The following EEFSEC variants were observed in gnomAD, a reference collection of about 807,000 sequenced individuals.
The protein encoded by EEFSEC is selenocysteine-specific elongation factor.
In EEFSEC, 43 loss-of-function variants were observed where a neutral mutation model predicts 42.1. That is an observed-to-expected ratio of 1.02 (90% CI 0.80 to 1.32). EEFSEC has a LOEUF of 1.32. Among genes scored for constraint, EEFSEC ranks in the 40% most tolerant of loss-of-function variants. The probability of loss-of-function intolerance (pLI) is 0.00; values close to 1 mark genes in which losing one functional copy is unlikely to be tolerated. For missense variants in EEFSEC, 745 were observed against 803.6 expected (o/e 0.93, Z 0.88); for synonymous variants, 354 against 339.1 (o/e 1.04, Z -0.48).
At chr3:128,242,621 C>T (rs556583603) in intron 1 of EEFSEC, among the ~76,000 whole-genome samples, 1 of 152,206 alleles carries the variant, frequency 6.6e-6, no homozygotes, top group African/African-American at 2.4e-5. Context: ...GAAAATTACA[C>T]CTCACAGATA....
chr3:128,309,810 T>C (rs2066871461), intron 4 of EEFSEC, among the ~76,000 whole-genome samples: 1 of 152,216 alleles, frequency 6.6e-6, no homozygotes, highest in Admixed American at 6.5e-5. Context: ...AGGAAGGGCC[T>C]GGACACACCG....
intron 1 of EEFSEC, among the ~76,000 whole-genome samples, chr3:128,190,064 T>C (rs983992370): frequency 6.6e-6 from 1 of 152,202 alleles, no homozygotes; most frequent in African/African-American, 2.4e-5. Flanking sequence ...GGTTTCACCA[T>C]GTCCCCCAGG....
chr3:128,412,438 C>A (rs766152717), downstream of EEFSEC, among the ~76,000 whole-genome samples: 3 of 152,238 alleles, frequency 2.0e-5, no homozygotes, highest in African/African-American at 4.8e-5. Context: ...CTAGTTCAGC[C>A]TTGTCTGTCC....
At chr3:128,255,508 G>C (rs2066232888) in intron 2 of EEFSEC, among the ~76,000 whole-genome samples, 1 of 152,170 alleles carries the variant, frequency 6.6e-6, no homozygotes, top group Admixed American at 6.5e-5. Flanking sequence ...ACCCTGGTCT[G>C]GTGCCCCAGC....
chr3:128,421,581 G>A, the EEFSEC span, among the ~76,000 whole-genome samples: 1 of 152,250 alleles, frequency 6.6e-6, no homozygotes, highest in Non-Finnish European at 1.5e-5. Context: ...AACACCTGGA[G>A]CTGCCCATTC....
At chr3:128,233,397 C>A (rs1047978619) in intron 1 of EEFSEC, among the ~76,000 whole-genome samples, 2 of 152,168 alleles carry the variant, frequency 1.3e-5, no homozygotes, top group Non-Finnish European at 2.9e-5. Flanking sequence ...ATGGGTCTGG[C>A]AGAAATCATG....
intron 6 of EEFSEC, among the ~76,000 whole-genome samples, chr3:128,387,164 G>T (rs528344943): frequency 6.6e-6 from 1 of 152,202 alleles, no homozygotes; most frequent in South Asian, 2.1e-4. Flanking sequence ...GCACCTGGCC[G>T]CAGGGGCTGC....
rs1200719172 is a variant in EEFSEC, at chr3:128,291,390, T to C, written c.786+26609T>C. The stretch of plus-strand genomic sequence containing the variant: ...GTCTTGAGGGCTCCACCCTCATGAA[T>C]AGACTAATACTGTTATCCCTTTCTT... On this transcript the variant is annotated intron_variant, in intron 4 of 6. Coordinates refer to ENST00000254730, the MANE Select transcript of EEFSEC (RefSeq NM_021937.5). Among the ~76,000 whole-genome samples the C allele has an allele frequency of 2.0e-5, 3 of 152,214 alleles. No individual in the cohort carries two copies. In the East Asian group the frequency reaches 5.8e-4, roughly 29 times the overall value.
At chr3:128,315,196 GATA>G (rs2066931504) in intron 4 of EEFSEC, among the ~76,000 whole-genome samples, 1 of 152,190 alleles carries the variant, frequency 6.6e-6, no homozygotes, top group African/African-American at 2.4e-5. Flanking sequence ...TAAAGTGGGG[GATA>G]ATAAGAGTAC....
chr3:128,292,092 AG>A (rs1344940957), intron 4 of EEFSEC, among the ~76,000 whole-genome samples: 2 of 152,132 alleles, frequency 1.3e-5, no homozygotes, highest in African/African-American at 4.8e-5. Context: ...ATTGCTAAGT[AG>A]GTTACATATA....
chr3:128,264,863 G>C, intron 4 of EEFSEC, 82 bp downstream of exon 4: 2 of 1,479,040 alleles, frequency 1.4e-6, no homozygotes, highest in Non-Finnish European at 1.8e-6. Context: ...TTCAGCTGCT[G>C]AGCCTGCTGC....
At chr3:128,409,473 G>A (rs752965606), downstream of EEFSEC, among the ~76,000 whole-genome samples, 4 of 152,156 alleles carry the variant, frequency 2.6e-5, no homozygotes, top group Admixed American at 6.5e-5. Context: ...GGATACCAGC[G>A]ATGGCGACTG....
intron 6 of EEFSEC, among the ~76,000 whole-genome samples, chr3:128,401,677 G>C (rs2068049475): frequency 6.6e-6 from 1 of 152,216 alleles, no homozygotes; most frequent in Admixed American, 6.5e-5. Flanking sequence ...AGACGCTTCT[G>C]TTGGTGGAGC....
At chr3:128,188,605 T>C (rs1292434244) in intron 1 of EEFSEC, among the ~76,000 whole-genome samples, 1 of 152,230 alleles carries the variant, frequency 6.6e-6, no homozygotes, top group East Asian at 1.9e-4. Flanking sequence ...ATAGCTAATG[T>C]GTTCCACTCC....
intron 4 of EEFSEC, among the ~76,000 whole-genome samples, chr3:128,306,679 G>A (rs1406369791): frequency 6.6e-6 from 1 of 152,206 alleles, no homozygotes; most frequent in Admixed American, 6.5e-5. Flanking sequence ...GTAGTTGAAA[G>A]TACCTATTGG....
At chr3:128,267,569 G>A (rs1002905700) in intron 4 of EEFSEC, among the ~76,000 whole-genome samples, 10 of 152,156 alleles carry the variant, frequency 6.6e-5, no homozygotes, top group African/African-American at 2.4e-5. Flanking sequence ...TAAAACATGA[G>A]GGAAAAGGAA....
At chr3:128,295,451 C>CTGTTT (rs2066693193) in intron 4 of EEFSEC, among the ~76,000 whole-genome samples, 1 of 63,986 alleles carries the variant, frequency 1.6e-5, no homozygotes, top group Non-Finnish European at 2.8e-5. Flanking sequence ...CTTCCCCCTA[C>CTGTTT]TTTTTTTTTT....
intron 4 of EEFSEC, 126 bp downstream of exon 4, chr3:128,264,907 GC>G: frequency 8.5e-7 from 1 of 1,180,136 alleles, no homozygotes; most frequent in Non-Finnish European, 1.2e-6. Flanking sequence ...TGCCTGCTCC[GC>G]CCCACCTCCC....
At chr3:128,172,694 A>G (rs2065311335) in intron 1 of EEFSEC, among the ~76,000 whole-genome samples, 2 of 152,358 alleles carry the variant, frequency 1.3e-5, no homozygotes, top group South Asian at 4.1e-4. Flanking sequence ...ATGGAGACAC[A>G]GACACTGATT....
Sources: allele counts gnomAD v4.1 joint callset (sites outside exome capture counted in the v4.1 genomes callset), GRCh38; gene constraint gnomAD v4.1.1; transcripts MANE v1.5; gene names NCBI Gene and HGNC (gene_info 2026-07-23, HGNC 2026-07-21).